Variants in DNAH8 observed in about 807,000 individuals in gnomAD.
DNAH8 encodes axonemal beta dynein heavy chain 8.
In DNAH8, 382 loss-of-function variants were observed where a neutral mutation model predicts 562.1. That is an observed-to-expected ratio of 0.68 (90% confidence interval 0.63 to 0.74). The LOEUF is 0.74. DNAH8 is among the 30% of genes least tolerant of loss of function. The pLI, the probability that DNAH8 is intolerant of heterozygous loss-of-function variation, is 0.00. For synonymous variants in DNAH8, 1,881 were observed against 1,919.4 expected (o/e 0.98, Z 0.52); for missense variants, 5,203 against 5,620.4 (o/e 0.93, Z 2.37).
intron 54 of DNAH8, 128 bp downstream of exon 54, chr6:38,883,180 T>C: frequency 1.5e-6 from 2 of 1,333,990 alleles, no homozygotes. Flanking sequence ...CAACTGGGAC[T>C]TATTTTGATG....
intron 26 of DNAH8, among the ~76,000 whole-genome samples, chr6:38,820,365 T>C (rs1299414826): frequency 2.0e-5 from 3 of 152,174 alleles, no homozygotes; most frequent in African/African-American, 4.8e-5. Flanking sequence ...TTTGTTTCCA[T>C]GTGGAAAAAA....
intron 21 of DNAH8, among the ~76,000 whole-genome samples, chr6:38,796,942 T>C (rs1452764598): frequency 6.6e-6 from 1 of 152,242 alleles, no homozygotes; most frequent in South Asian, 2.1e-4. Context: ...TAATTTTATT[T>C]GTTACAATAG....
intron 13 of DNAH8, among the ~76,000 whole-genome samples, chr6:38,778,001 A>G (rs78420000): frequency 4.4e-4 from 67 of 152,368 alleles, no homozygotes; most frequent in African/African-American, 1.6e-3. Context: ...TTTTTCTAGT[A>G]GCCATTGAAT....
intron 88 of DNAH8, among the ~76,000 whole-genome samples, chr6:38,994,497 T>C (rs1415277288): frequency 1.0e-5 from 1 of 96,056 alleles, no homozygotes. Flanking sequence ...AGGAATCATC[T>C]ACATTTTTTT....
chr6:38,756,866 C>T (rs1422879894), intron 10 of DNAH8, among the ~76,000 whole-genome samples: 3 of 152,046 alleles, frequency 2.0e-5, no homozygotes, highest in Non-Finnish European at 4.4e-5. Context: ...TTTTTTATGG[C>T]TGCATAGTAT....
chr6:39,014,297 T>G (rs1257280319), intron 91 of DNAH8, among the ~76,000 whole-genome samples: 1 of 152,234 alleles, frequency 6.6e-6, no homozygotes, highest in Non-Finnish European at 1.5e-5. Flanking sequence ...TTTTTTATTA[T>G]GGGTCTCAGA....
intron 79 of DNAH8, 79 bp from the exon 80 acceptor site, chr6:38,945,388 C>A: frequency 6.8e-7 from 1 of 1,475,272 alleles, no homozygotes; most frequent in Non-Finnish European, 9.3e-7. Context: ...GGCTATTTTG[C>A]TTTTATTATT....
chr6:38,761,057 T>C (rs1225421402), intron 10 of DNAH8, among the ~76,000 whole-genome samples: 2 of 146,034 alleles, frequency 1.4e-5, no homozygotes, highest in Admixed American at 1.4e-4. Context: ...CTCACTCATT[T>C]GCTCTTCATT....
rs146262277 is a variant in DNAH8 at position 38,949,455 on chromosome 6, T to A, written c.12133T>A (p.Ser4045Thr). Residue 4045 changes from serine (S) to threonine (T), a missense_variant, in exon 81 of 93, where the codon TCT becomes ACT. Ser to Thr is a moderately conservative substitution (Grantham distance 58). Transcript: ENST00000327475. ...PQFAEIMNQI[S>T]RNEKGWKSWF... ...CTAATTGGCTTGCTTCTTTTAGATA[T>A]CTCGTAATGAGAAGGGGTGGAAAAG... 1.8e-4 allele frequency: 292 copies of A among 1,598,928 alleles called. 1 individual carries two copies. The African/African-American group carries it at 3.2e-3, about 17-fold the overall frequency.
intron 75 of DNAH8, among the ~76,000 whole-genome samples, chr6:38,930,763 T>C (rs1414764310): frequency 6.6e-6 from 1 of 152,188 alleles, no homozygotes; most frequent in Admixed American, 6.5e-5. Flanking sequence ...TACAATGTGA[T>C]GATTTGGTAT....
At chr6:38,715,903 AAAATAAATAAAT>A (rs767028862) in intron 1 of DNAH8, among the ~76,000 whole-genome samples, 6 of 65,224 alleles carry the variant, frequency 9.2e-5, no homozygotes, top group East Asian at 7.7e-4. Context: ...AAAAGCTATT[AAAATAAATAAAT>A]AAATAAATAA....
intron 53 of DNAH8, among the ~76,000 whole-genome samples, chr6:38,880,804 G>C (rs1279157036): frequency 6.6e-6 from 1 of 152,244 alleles, no homozygotes; most frequent in Non-Finnish European, 1.5e-5. Context: ...AAGGCGAGTA[G>C]ATCACTTGAA....
intron 72 of DNAH8, 126 bp from the exon 73 acceptor site, chr6:38,923,865 G>A (rs1251652194): frequency 1.8e-6 from 2 of 1,089,116 alleles, no homozygotes; most frequent in African/African-American, 1.6e-5. Context: ...TTCCATGCCT[G>A]GCTACCAAGC....
At position 38,883,036 on chromosome 6, in the gene DNAH8, T is replaced by C; in HGVS notation, c.7985T>C (p.Ile2662Thr). The change falls in exon 54 of 93, where the codon ATT becomes ACT. Residue 2662 changes from isoleucine (I) to threonine (T), a missense_variant. Ile to Thr is a moderately conservative substitution (Grantham distance 89). This residue lies in a region of DNAH8 where 977 missense variants were observed against 1,061.8 expected (regional missense o/e 0.92). Coordinates refer to ENST00000327475, the MANE Select transcript of DNAH8 (RefSeq NM_001206927.2). ...NIRTNFLIDT[I>T]AKQHKAVLLT... ...AGAACAAATTTTTTGATAGACACCA[T>C]TGCAAAACAACATAAAGTAAGTTTA... 6.3e-7 allele frequency: 1 copy of C among 1,595,850 alleles called. No individual in the cohort carries two copies.
chr6:39,011,950 T>A (rs1028567432), intron 89 of DNAH8, among the ~76,000 whole-genome samples: 1 of 152,250 alleles, frequency 6.6e-6, no homozygotes, highest in Non-Finnish European at 1.5e-5. Context: ...TACAATTTTA[T>A]TTCAGCTCTT....
rs1404573093 is a variant in DNAH8, at chr6:38,989,879, T to G, written c.13054-133T>G. 4 of 586,290 alleles carry G rather than the reference T, an allele frequency of 6.8e-6. No individual in the cohort carries two copies. The East Asian group carries it at 1.1e-4, about 16-fold the overall frequency. 36.3% of individuals were successfully genotyped at this position (586,290 alleles called of 1,614,324 possible). A position where few individuals can be genotyped will look rare whatever the true frequency, so the allele number is the denominator to read the frequency against. On this transcript the variant is annotated intron_variant, in intron 87 of 92. Transcript: ENST00000327475. ...TGTGGTAATTATTCTATCAGTAGTA[T>G]TGTTAAAGCATTCTCAAAATCAATA... is the stretch of plus-strand genomic sequence containing the variant.
rs1266467842 is a variant in DNAH8 at position 38,938,976 on chromosome 6, G to A, written c.11995G>A (p.Ala3999Thr). Reference sequence around the variant, plus strand: ...GACAGTTAAGCACAGAGAGTTTCAAGCTCTCATTAAAGGTAAAGTGTGTGG... The same window carrying A: ...GACAGTTAAGCACAGAGAGTTTCAAACTCTCATTAAAGGTAAAGTGTGTGG... ...RGTVKHREFQ[A>T]LIKGGAALDL... Residue 3999 changes from alanine (A) to threonine (T), a missense_variant, in exon 79 of 93, where the codon GCT (alanine) becomes ACT (threonine). This residue lies in a region of DNAH8 where 1,399 missense variants were observed against 1,518.4 expected (regional missense o/e 0.92). Coordinates refer to ENST00000327475, the MANE Select transcript of DNAH8 (RefSeq NM_001206927.2). The A allele has an allele frequency of 1.2e-6, 2 of 1,612,818 alleles. No homozygotes were observed. Among genetic ancestry groups the A allele is most frequent in the South Asian group, 2.2e-5 (2 of 90,852 alleles).
chr6:39,017,134 A>G lies in DNAH8; in HGVS notation c.13714+4497A>G, dbSNP rs16891435. Among the ~76,000 whole-genome samples, 1,697 of 152,178 alleles carry G rather than the reference A, an allele frequency of 0.011. 110 individuals are homozygous for G. The East Asian group carries it at 0.16, about 14-fold the overall frequency. ...TTTTCTGTGTGTGGATTTGTCTCCC[A>G]GCAGATTACTCAGGCCAGGGGAACC... On this transcript the variant is annotated intron_variant, in intron 91 of 92. Coordinates refer to ENST00000327475, the MANE Select transcript of DNAH8 (RefSeq NM_001206927.2).
Position 38,963,680 on chromosome 6 carries a change from C to CT in DNAH8, c.12452-7891dup, listed in dbSNP as rs778971367. 7.8e-3 allele frequency among the ~76,000 whole-genome samples: 470 copies of CT among 60,426 alleles called. 3 individuals carry two copies. The highest frequency in any genetic ancestry group is 0.022 in the African/African-American group (289 of 13,222). The allele number at this position is 60,426 out of a possible 152,430, so 39.6% of individuals were successfully genotyped here. A position where few individuals can be genotyped will look rare whatever the true frequency, so the allele number is the denominator to read the frequency against. On this transcript the variant is annotated intron_variant, in intron 82 of 92. Transcript: ENST00000327475. The stretch of plus-strand genomic sequence containing the variant: ...CACAGCTGGCCTGGGAAAGTCCATT[C>CT]TTTTTTTTTTTTTTTTTTTTTAAAT...
Sources: gnomAD v4.1 joint callset for allele counts (sites outside exome capture counted in the v4.1 genomes callset) on GRCh38, gnomAD v4.1.1 for gene constraint, gnomAD v4.1.1 regional missense constraint, MANE v1.5 for transcripts, NCBI Gene and HGNC (gene_info 2026-07-23, HGNC 2026-07-21) for gene names.